Variants in CREB5 observed in about 807,000 individuals in gnomAD.
CREB5 encodes the protein cAMP responsive element binding protein 5.
CREB5 carries 19 observed loss-of-function variants against 57.1 expected under a neutral mutation model. The ratio of observed to expected loss-of-function variants is 0.33; its 90% CI spans 0.23 to 0.49. CREB5 has a LOEUF of 0.49. Among genes scored for constraint, CREB5 ranks in the 20% least tolerant of loss-of-function variants. The pLI is 0.99. For synonymous variants in CREB5, 238 were observed against 238.3 expected (o/e 1.00, Z 0.01); for missense variants, 579 against 671.6 (o/e 0.86, Z 1.52).
In CREB5 at chr7:28,804,514, C is replaced by G; in HGVS notation, c.1018C>G (p.Gln340Glu). Residue 340 changes from glutamine (Q) to glutamate (E), a missense_variant, in exon 8 of 11, where the codon CAA becomes GAA. Coordinates refer to ENST00000357727, the MANE Select transcript of CREB5 (RefSeq NM_182898.4). ...ACATCCGCCCCTGCACACCGGCAAC[C>G]AAGCACAGGTAGACCTTTTCCGTGA... Reference protein sequence around the residue: ...SPHPPLHTGNQAQVSPATQQM... With the variant: ...SPHPPLHTGNEAQVSPATQQM... 2 of 1,613,916 alleles carry G rather than the reference C, an allele frequency of 1.2e-6. No homozygotes were observed. Among genetic ancestry groups the G allele is most frequent in the Non-Finnish European group, 1.7e-6 (2 of 1,179,840 alleles).
intron 5 of CREB5, among the ~76,000 whole-genome samples, chr7:28,674,770 C>T (rs947787418): frequency 4.6e-5 from 7 of 152,194 alleles, no homozygotes; most frequent in African/African-American, 1.7e-4. Flanking sequence ...GAATTCTTTC[C>T]CTCTGACAGT....
intron 2 of CREB5, among the ~76,000 whole-genome samples, chr7:28,490,634 C>T (rs1791755913): frequency 6.6e-6 from 1 of 152,162 alleles, no homozygotes; most frequent in Non-Finnish European, 1.5e-5. Context: ...GGTAGCTGTC[C>T]TGTGTGTTGT....
intron 10 of CREB5, chr7:28,818,618 A>G: frequency 2.5e-6 from 1 of 398,638 alleles, no homozygotes; most frequent in Non-Finnish European, 4.9e-6. Flanking sequence ...GCCTCAGTTT[A>G]CCAATATGTA....
intron 5 of CREB5, among the ~76,000 whole-genome samples, chr7:28,673,272 A>G (rs1800140080): frequency 6.6e-6 from 1 of 152,180 alleles, no homozygotes; most frequent in Non-Finnish European, 1.5e-5. Flanking sequence ...ATCATCACAC[A>G]TTCTAAAAGG....
intron 7 of CREB5, among the ~76,000 whole-genome samples, chr7:28,745,381 T>C (rs1406070300): frequency 6.6e-6 from 1 of 152,234 alleles, no homozygotes; most frequent in Non-Finnish European, 1.5e-5. Context: ...TAACCCAATG[T>C]CATGCTTGCT....
At chr7:28,532,560 C>T (rs534814903) in intron 4 of CREB5, among the ~76,000 whole-genome samples, 2 of 152,304 alleles carry the variant, frequency 1.3e-5, no homozygotes, top group South Asian at 4.1e-4. Flanking sequence ...CCCAGACCAA[C>T]AGTGCCTCGG....
chr7:28,712,345 T>A, intron 5 of CREB5, among the ~76,000 whole-genome samples: 1 of 151,414 alleles, frequency 6.6e-6, no homozygotes, highest in South Asian at 2.1e-4. Context: ...CCGTCTCTCC[T>A]AAAAATAGAA....
chr7:28,300,533 A>G (rs182358993), intron 1 of CREB5, among the ~76,000 whole-genome samples: 1 of 152,340 alleles, frequency 6.6e-6, no homozygotes, highest in East Asian at 1.9e-4. Context: ...AGGTGCATTC[A>G]AAACAGCCCA....
chr7:28,718,717 AG>A (rs747701008), intron 5 of CREB5, 35 bp from the exon 6 acceptor site: 9 of 1,609,724 alleles, frequency 5.6e-6, no homozygotes, highest in Non-Finnish European at 7.6e-6. Context: ...CCAGGGCACC[AG>A]GAATCATGTT....
At chr7:28,450,039 A>G (rs1486833881) in intron 1 of CREB5, among the ~76,000 whole-genome samples, 1 of 152,226 alleles carries the variant, frequency 6.6e-6, no homozygotes, top group Non-Finnish European at 1.5e-5. Flanking sequence ...GACCACCGGA[A>G]TGAAATCACA....
At chr7:28,721,148 G>C (rs1354469080) in intron 6 of CREB5, among the ~76,000 whole-genome samples, 1 of 152,154 alleles carries the variant, frequency 6.6e-6, no homozygotes, top group East Asian at 1.9e-4. Context: ...TTGTCCCCCG[G>C]GGGATATGTG....
chr7:28,397,136 A>G (rs1173457634), intron 1 of CREB5, among the ~76,000 whole-genome samples: 3 of 152,232 alleles, frequency 2.0e-5, no homozygotes, highest in Admixed American at 2.0e-4. Context: ...TTGAAAATAC[A>G]GAGGAAAAAA....
chr7:28,549,593 C>T (rs1348823879), intron 4 of CREB5, among the ~76,000 whole-genome samples: 2 of 152,128 alleles, frequency 1.3e-5, no homozygotes, highest in South Asian at 2.1e-4. Context: ...AATTTTCTAC[C>T]TTTGGAAATG....
At chr7:28,342,054 A>G (rs558599144) in intron 1 of CREB5, among the ~76,000 whole-genome samples, 61 of 152,330 alleles carry the variant, frequency 4.0e-4, no homozygotes, top group African/African-American at 1.5e-3. Flanking sequence ...ATCATTTTAT[A>G]TTAGTAAAAT....
intron 4 of CREB5, among the ~76,000 whole-genome samples, chr7:28,534,708 A>G (rs934110836): frequency 7.0e-6 from 1 of 143,796 alleles, no homozygotes; most frequent in Non-Finnish European, 1.6e-5. Flanking sequence ...GGATTTTCAG[A>G]CACCATCTGC....
intron 1 of CREB5, among the ~76,000 whole-genome samples, chr7:28,339,410 A>G (rs1305778255): frequency 3.3e-5 from 5 of 152,286 alleles, no homozygotes; most frequent in Middle Eastern, 3.4e-3. Context: ...GTGGTCTTGG[A>G]TGATCTGAGA....
chr7:28,718,510 CAGTT>C (rs979783422), intron 5 of CREB5, among the ~76,000 whole-genome samples: 4 of 152,158 alleles, frequency 2.6e-5, no homozygotes, highest in African/African-American at 9.7e-5. Flanking sequence ...TATTGAACAT[CAGTT>C]AGATAACAGA....
chr7:28,599,754 G>GTT (rs150609222), intron 5 of CREB5, among the ~76,000 whole-genome samples: 3 of 148,910 alleles, frequency 2.0e-5, no homozygotes, highest in South Asian at 2.2e-4. Context: ...GTTTTGTTTT[G>GTT]TTTTTTTATT....
At chr7:28,349,099 G>A (rs773699442) in intron 1 of CREB5, among the ~76,000 whole-genome samples, 4 of 152,188 alleles carry the variant, frequency 2.6e-5, no homozygotes, top group Non-Finnish European at 5.9e-5. Context: ...AGGCTCTGGG[G>A]TGGCAATAAC....
Sources: allele counts gnomAD v4.1 joint callset (sites outside exome capture counted in the v4.1 genomes callset), GRCh38; gene constraint gnomAD v4.1.1; transcripts MANE v1.5; gene names NCBI Gene and HGNC (gene_info 2026-07-23, HGNC 2026-07-21).